SPATA31E1: variants seen among roughly 807,000 people sequenced by gnomAD.
SPATA31E1 encodes the protein SPATA31 subfamily E member 1.
Under a neutral mutation model 12.9 loss-of-function variants are expected in SPATA31E1, and 7 were observed. The ratio of observed to expected loss-of-function variants is 0.54; its 90% CI spans 0.31 to 1.02. SPATA31E1 has a LOEUF of 1.02. Among genes scored for constraint, SPATA31E1 ranks in the 50% least tolerant of loss-of-function variants. The pLI is 0.05. For synonymous variants in SPATA31E1, 771 were observed against 719.0 expected, an observed-to-expected ratio of 1.07 and a Z score of -1.16; for missense variants, 1,961 against 1,799.8, an observed-to-expected ratio of 1.09 and a Z score of -1.62.
chr9:87,883,652 C>A (rs913521598), intron 1 of SPATA31E1, among the ~76,000 whole-genome samples: 2 of 152,152 alleles, frequency 1.3e-5, no homozygotes, highest in Admixed American at 6.5e-5. Flanking sequence ...TTCACCACAG[C>A]CCCATGGTAC....
rs776529937 is a variant in SPATA31E1, at chr9:87,888,131, A to AG, written c.3647dup (p.His1217ThrfsTer10). ...CACAGGAGGCCCAGAACAGGGGAGC[A>AG]GGGACACAGGTCCAAGGGACCCAGG... On this transcript the variant is annotated frameshift_variant, in exon 4 of 4. Coordinates refer to ENST00000325643, the MANE Select transcript of SPATA31E1 (RefSeq NM_178828.5). LOFTEE classifies it low-confidence loss of function (END_TRUNC). The AG allele has an allele frequency of 4.2e-5, 67 of 1,608,762 alleles. No homozygotes were observed. In the South Asian group the frequency reaches 5.6e-4, roughly 14 times the overall value.
In SPATA31E1 at chr9:87,884,007, A is replaced by G. The variant is rs2117870095; in HGVS notation, c.325A>G (p.Ser109Gly). The change falls in exon 2 of 4, where the codon AGC (serine) becomes GGC (glycine). Residue 109 changes from serine (S) to glycine (G), a missense_variant. Transcript: ENST00000325643. ...RSSREPQRER[S>G]GRSRSRKISA... ...TGCCTCTCAGCCTCAAAGGGAGAGAAGCGGGAGGTCCAGGAGCAGGAAGAT... is the reference window on the plus strand; with the variant it reads ...TGCCTCTCAGCCTCAAAGGGAGAGAGGCGGGAGGTCCAGGAGCAGGAAGAT... 2 of 1,607,612 alleles carry G rather than the reference A, an allele frequency of 1.2e-6. No homozygotes were observed. Among genetic ancestry groups the G allele is most frequent in the African/African-American group, 1.3e-5 (1 of 74,892 alleles).
In SPATA31E1 at chr9:87,882,990, CA is replaced by C. The variant is rs1428353090; in HGVS notation, c.100del (p.Thr34GlnfsTer16). 1.2e-6 allele frequency: 2 copies of C among 1,612,266 alleles called. No individual in the cohort carries two copies. Among genetic ancestry groups the C allele is most frequent in the Admixed American group, 3.3e-5 (2 of 59,834 alleles). ...CAGCTCCCAGACCATCTGTGGAGTG[CA>C]CAGGAGACGACATTGCACTTCAGAT... is the stretch of plus-strand genomic sequence containing the variant. ...PPAPRPSVEC[T>X]GDDIALQMEK... On this transcript the variant is annotated frameshift_variant, in exon 1 of 4. Coordinates refer to ENST00000325643, the MANE Select transcript of SPATA31E1 (RefSeq NM_178828.5). LOFTEE classifies it high-confidence loss of function.
At position 87,885,257 on chromosome 9, in the gene SPATA31E1, C is replaced by T. The variant is rs138239310; in HGVS notation, c.770C>T (p.Pro257Leu). Residue 257 changes from proline to leucine, a missense_variant, in exon 4 of 4, where the codon CCT becomes CTT. Physicochemically the swap from Pro to Leu is moderately conservative, Grantham distance 98. Transcript: ENST00000325643. ...QPHGPLASSP[P>L]PPDSSLAGLQ... ...CATGGTCCCCTGGCCTCCTCTCCAC[C>T]TCCACCCGACTCCAGCCTGGCTGGA... 23 of 1,614,114 alleles carry T rather than the reference C, an allele frequency of 1.4e-5. No homozygotes were observed. The African/African-American group carries it at 2.0e-4, about 14-fold the overall frequency.
At position 87,888,385 on chromosome 9, in the gene SPATA31E1, T is replaced by C; in HGVS notation, c.3898T>C (p.Trp1300Arg). Reference protein sequence around the residue: ...GKPGADAFQSWGSGPPRQFMD... With the variant: ...GKPGADAFQSRGSGPPRQFMD... ...GCCTGGGGCAGATGCTTTCCAGAGC[T>C]GGGGGTCTGGCCCACCAAGGCAGTT... Residue 1300 changes from tryptophan (W) to arginine (R), a missense_variant, in exon 4 of 4, where the codon TGG (tryptophan) becomes CGG (arginine). By Grantham distance (101) the Trp-to-Arg change is moderately radical. Coordinates refer to ENST00000325643, the MANE Select transcript of SPATA31E1 (RefSeq NM_178828.5). 1 of 1,614,092 alleles carries C rather than the reference T, an allele frequency of 6.2e-7. No individual in the cohort carries two copies. Among genetic ancestry groups the C allele is most frequent in the Non-Finnish European group, 8.5e-7 (1 of 1,180,010 alleles).
rs556448964 is a variant in SPATA31E1, at chr9:87,888,768, C to T, written c.4281C>T (p.Gly1427=). ...GGCCAAGAATGGCAAGCACCTCGGG[C>T]GGCCCCCATCCACAGCTGCAGGAAC... ...HHRPRMASTS[G]GPHPQLQELM... is the part of the protein sequence containing the mutation. The change falls in exon 4 of 4, where the codon GGC becomes GGT. Residue 1427 remains glycine (G), a synonymous_variant. Transcript: ENST00000325643. The T allele has an allele frequency of 3.2e-4, 516 of 1,612,970 alleles. 6 individuals are homozygous for T. In the South Asian group the frequency reaches 5.3e-3, roughly 16 times the overall value.
In SPATA31E1 at chr9:87,885,322, T is replaced by A; in HGVS notation, c.835T>A (p.Ser279Thr). Residue 279 changes from serine (S) to threonine (T), a missense_variant, in exon 4 of 4, where the codon TCC becomes ACC. Transcript: ENST00000325643. Reference sequence around the variant, plus strand: ...CACAACATGCCCCGTCCCCCAGAGCTCCCCTCTACACAACCAGGTGCTGCC... The same window carrying A: ...CACAACATGCCCCGTCCCCCAGAGCACCCCTCTACACAACCAGGTGCTGCC... ...GSTTCPVPQS[S>T]PLHNQVLPPP... 1 of 1,613,668 alleles carries A rather than the reference T, an allele frequency of 6.2e-7. No homozygotes were observed. Among genetic ancestry groups the A allele is most frequent in the Non-Finnish European group, 8.5e-7 (1 of 1,179,836 alleles).
At chr9:87,884,508 T>C in intron 2 of SPATA31E1, 83 bp from the exon 3 acceptor site, 1 of 1,422,722 alleles carries the variant, frequency 7.0e-7, no homozygotes, top group Non-Finnish European at 9.9e-7. Flanking sequence ...CCCCATGGTG[T>C]CCCCTAAAAA....
In SPATA31E1 at chr9:87,887,448, G is replaced by A. The variant is rs1430017260; in HGVS notation, c.2961G>A (p.Glu987=). The change falls in exon 4 of 4, where the codon GAG becomes GAA. Residue 987 remains glutamate, a synonymous_variant. Transcript: ENST00000325643. The stretch of plus-strand genomic sequence containing the variant: ...CCGGGAAACCCAAACCCAGACTAGA[G>A]GGGAGTATGGGTTCAGAAATGGCTG... ...LESGKPKPRL[E]GSMGSEMAGN... 6.8e-6 allele frequency: 11 copies of A among 1,613,898 alleles called. No individual in the cohort carries two copies. Among genetic ancestry groups the A allele is most frequent in the Admixed American group, 5.0e-5 (3 of 60,024 alleles).
chr9:87,886,748 G>A lies in SPATA31E1; in HGVS notation c.2261G>A (p.Arg754Lys). The A allele has an allele frequency of 6.2e-7, 1 of 1,614,008 alleles. No individual in the cohort carries two copies. Among genetic ancestry groups the A allele is most frequent in the Non-Finnish European group, 8.5e-7 (1 of 1,180,034 alleles). Residue 754 changes from arginine to lysine, a missense_variant, in exon 4 of 4, where the codon AGG (arginine) becomes AAG (lysine). Physicochemically the swap from Arg to Lys is conservative, Grantham distance 26 (BLOSUM62 2). Coordinates refer to ENST00000325643, the MANE Select transcript of SPATA31E1 (RefSeq NM_178828.5). ...TACCAATCAGTAAGTTCCACACCCA[G>A]GGACCCAGACAAGGAGCATCTGGAA... ...WKYQSVSSTP[R>K]DPDKEHLENK...
At position 87,887,343 on chromosome 9, in the gene SPATA31E1, A is replaced by G. The variant is rs1230808727; in HGVS notation, c.2856A>G (p.Gly952=). The G allele has an allele frequency of 6.2e-7, 1 of 1,613,592 alleles. No homozygotes were observed. Among genetic ancestry groups the G allele is most frequent in the Non-Finnish European group, 8.5e-7 (1 of 1,180,022 alleles). ...GGCGATCAGAGGCCTTTCCGACTGGACACAAGGGCAGGGGGTGTTCTCAGC... is the reference window on the plus strand; with the variant it reads ...GGCGATCAGAGGCCTTTCCGACTGGGCACAAGGGCAGGGGGTGTTCTCAGC... The part of the protein sequence containing the change: ...THGRSEAFPT[G]HKGRGCSQPP... The change falls in exon 4 of 4, where the codon GGA becomes GGG. Residue 952 remains glycine (G), a synonymous_variant. Transcript: ENST00000325643.
intron 1 of SPATA31E1, among the ~76,000 whole-genome samples, chr9:87,883,435 A>T (rs893938329): frequency 6.6e-6 from 1 of 152,000 alleles, no homozygotes; most frequent in Non-Finnish European, 1.5e-5. Context: ...AGTGGCAAGG[A>T]CCGGGTCAGG....
At chr9:87,883,312 ATC>A in intron 1 of SPATA31E1, 112 bp downstream of exon 1, 1 of 1,441,826 alleles carries the variant, frequency 6.9e-7, no homozygotes, top group Non-Finnish European at 9.4e-7. Context: ...AAATCTCGTC[ATC>A]CCTCTAGGGA....
In SPATA31E1 at chr9:87,882,890, C is replaced by T. The variant is rs780209545; in HGVS notation, c.-2C>T. The T allele has an allele frequency of 1.4e-5, 22 of 1,609,180 alleles. No homozygotes were observed. The highest frequency in any genetic ancestry group is 1.1e-4 in the African/African-American group (8 of 74,792). ...TGCCCAGAGCTCAGTTGCTTGAAGG[C>T]GATGGGAAATCTCGTCATCCCTCTA... On this transcript the variant is annotated 5_prime_UTR_variant, in exon 1 of 4. Transcript: ENST00000325643.
At position 87,887,034 on chromosome 9, in the gene SPATA31E1, T is replaced by G. The variant is rs530791686; in HGVS notation, c.2547T>G (p.Gly849=). ...GGTTCTGTGTGAGGCACAGCTGGGGTACAGACCTCCAGTCCCTGGAGCCCA... is the reference window on the plus strand; with the variant it reads ...GGTTCTGTGTGAGGCACAGCTGGGGGACAGACCTCCAGTCCCTGGAGCCCA... ...LVRFCVRHSW[G]TDLQSLEPIN... The change falls in exon 4 of 4, where the codon GGT becomes GGG. Residue 849 remains glycine, a synonymous_variant. Coordinates refer to ENST00000325643, the MANE Select transcript of SPATA31E1 (RefSeq NM_178828.5). 1 of 1,613,952 alleles carries G rather than the reference T, an allele frequency of 6.2e-7. No individual in the cohort carries two copies. The highest frequency in any genetic ancestry group is 8.5e-7 in the Non-Finnish European group (1 of 1,179,990).
rs375847520 is a variant in SPATA31E1, at chr9:87,887,008, A to G, written c.2521A>G (p.Arg841Gly). Residue 841 changes from arginine (R) to glycine (G), a missense_variant, in exon 4 of 4, where the codon AGG becomes GGG. Transcript: ENST00000325643. Reference sequence around the variant, plus strand: ...GCAGATACTGGAAGTACATCTTGTAAGGTTCTGTGTGAGGCACAGCTGGGG... The same window carrying G: ...GCAGATACTGGAAGTACATCTTGTAGGGTTCTGTGTGAGGCACAGCTGGGG... ...TQQILEVHLV[R>G]FCVRHSWGTD... 5.0e-6 allele frequency: 8 copies of G among 1,613,974 alleles called. No individual in the cohort carries two copies. The highest frequency in any genetic ancestry group is 6.8e-6 in the Non-Finnish European group (8 of 1,180,032).
At chr9:87,883,238 C>T (rs758466591) in intron 1 of SPATA31E1, 38 bp downstream of exon 1, 1 of 1,536,812 alleles carries the variant, frequency 6.5e-7, no homozygotes, top group Admixed American at 1.9e-5. Context: ...GAGAAAGATT[C>T]TCTCTTCTTT....
chr9:87,885,816 C>A lies in SPATA31E1; in HGVS notation c.1329C>A (p.Leu443=), dbSNP rs375615912. ...AACGCAGCCAGCTTTTCTGGGACCT[C>A]CCCTCTCTCAATAGCGAGTCCCTGG... ...QQKRSQLFWD[L]PSLNSESLAT... The change falls in exon 4 of 4, where the codon CTC becomes CTA. Residue 443 remains leucine (L), a synonymous_variant. Coordinates refer to ENST00000325643, the MANE Select transcript of SPATA31E1 (RefSeq NM_178828.5). The A allele has an allele frequency of 1.2e-6, 2 of 1,613,908 alleles. No individual in the cohort carries two copies.
chr9:87,883,881 T>C, intron 1 of SPATA31E1, 111 bp from the exon 2 acceptor site: 1 of 1,185,122 alleles, frequency 8.4e-7, no homozygotes, highest in Non-Finnish European at 1.2e-6. Flanking sequence ...CAGAGCTCCC[T>C]GAGCTAGAGG....
Sources: gnomAD v4.1 joint callset for allele counts (sites outside exome capture counted in the v4.1 genomes callset) on GRCh38, gnomAD v4.1.1 for gene constraint, MANE v1.5 for transcripts, NCBI Gene and HGNC (gene_info 2026-07-23, HGNC 2026-07-21) for gene names.